LPP: variants seen among roughly 807,000 people sequenced by gnomAD.
The protein encoded by LPP is LIM domain containing preferred translocation partner in lipoma, also known as lipoma-preferred partner.
LPP carries 38 observed loss-of-function variants against 60.4 expected under a neutral mutation model. The observed-to-expected ratio is 0.63, with a 90% CI of 0.49 to 0.83. The LOEUF (loss-of-function observed/expected upper bound fraction) is 0.83, where lower values mean the gene tolerates loss of function less well. Among genes scored for constraint, LPP ranks in the 40% least tolerant of loss-of-function variants. The probability of loss-of-function intolerance (pLI) is 0.00; values close to 1 mark genes in which losing one functional copy is unlikely to be tolerated. For synonymous variants in LPP, 328 were observed against 290.8 expected (o/e 1.13, Z -1.30); for missense variants, 902 against 783.6 (o/e 1.15, Z -1.80).
intron 7 of LPP, among the ~76,000 whole-genome samples, chr3:188,613,931 A>ATTTATTTC (rs1214007687): frequency 6.6e-6 from 1 of 150,384 alleles, no homozygotes; most frequent in Non-Finnish European, 1.5e-5. Flanking sequence ...TTATTTATTT[A>ATTTATTTC]TTTATTTATT....
In LPP at chr3:188,884,652, A is replaced by G. The variant is rs796957449; in HGVS notation, c.*10173A>G. On this transcript the variant is annotated 3_prime_UTR_variant, in exon 12 of 12. Transcript: ENST00000617246. ...AACTGTCAGGTTCAGAATATCAACC[A>G]AGACCATATCATTTAGAATTCATTG... The G allele has an allele frequency of 4.3e-6, 1 of 229,942 alleles. No homozygotes were observed. The highest frequency in any genetic ancestry group is 2.2e-5 in the African/African-American group (1 of 45,268). 14.2% of individuals were successfully genotyped at this position (229,942 alleles called of 1,614,324 possible).
chr3:188,290,810 G>A (rs1745686185), intron 2 of LPP, among the ~76,000 whole-genome samples: 1 of 152,188 alleles, frequency 6.6e-6, no homozygotes, highest in Non-Finnish European at 1.5e-5. Context: ...TGGCTACTGA[G>A]GGTCAATTCA....
intron 4 of LPP, among the ~76,000 whole-genome samples, chr3:188,433,840 T>C (rs947961554): frequency 6.6e-6 from 1 of 152,110 alleles, no homozygotes; most frequent in African/African-American, 2.4e-5. Context: ...TTGTTTTCCT[T>C]TCTCTTGGTG....
intron 3 of LPP, among the ~76,000 whole-genome samples, chr3:188,362,162 G>A (rs1275563199): frequency 1.3e-5 from 2 of 152,180 alleles, no homozygotes; most frequent in African/African-American, 2.4e-5. Flanking sequence ...CCCTTTTGAA[G>A]ACTAAAAGGA....
intron 4 of LPP, among the ~76,000 whole-genome samples, chr3:188,441,479 T>G (rs1028273161): frequency 6.6e-6 from 1 of 152,012 alleles, no homozygotes; most frequent in Admixed American, 6.6e-5. Flanking sequence ...CGTAGTTTCT[T>G]CACAGTTGCC....
chr3:188,697,199 A>T (rs1863440769), intron 7 of LPP, among the ~76,000 whole-genome samples: 1 of 152,236 alleles, frequency 6.6e-6, no homozygotes, highest in African/African-American at 2.4e-5. Context: ...AACAAAACAC[A>T]TGCCCTTTCT....
rs137998806 is a variant in LPP, at chr3:188,789,208, T to C, written c.1410+28926T>C. On this transcript the variant is annotated intron_variant, in intron 9 of 11. Transcript: ENST00000617246. The stretch of plus-strand genomic sequence containing the variant: ...TACCATATAGTGTAAACATAACCTT[T>C]ACTGCACTGGGAAACCAAAAAAATA... Among the ~76,000 whole-genome samples, 251 of 152,364 alleles carry C rather than the reference T, an allele frequency of 1.6e-3. 2 individuals are homozygous for C. The highest frequency in any genetic ancestry group is 5.9e-3 in the African/African-American group (247 of 41,586).
At chr3:188,872,366 A>G (rs1768329426) in intron 10 of LPP, among the ~76,000 whole-genome samples, 2 of 152,166 alleles carry the variant, frequency 1.3e-5, no homozygotes, top group Admixed American at 1.3e-4. Context: ...GAATCTATCT[A>G]AAGATGAATT....
chr3:188,868,387 A>G (rs889274787), intron 10 of LPP, among the ~76,000 whole-genome samples: 15 of 152,304 alleles, frequency 9.8e-5, no homozygotes, highest in African/African-American at 3.4e-4. Context: ...CTGGTGACTG[A>G]TGACATCAGT....
chr3:188,487,058 T>G (rs1468032710), intron 5 of LPP, among the ~76,000 whole-genome samples: 1 of 152,226 alleles, frequency 6.6e-6, no homozygotes, highest in Non-Finnish European at 1.5e-5. Context: ...TTTGTTGCAT[T>G]TTAAATCTTT....
chr3:188,348,345 A>G lies in LPP; in HGVS notation c.-10+6626A>G, dbSNP rs993311469. ...GTATTTTTAGTAGAGACAAGGTTTC[A>G]CCATGTTGGCCAGGCTGGTCTCAAA... On this transcript the variant is annotated intron_variant, in intron 3 of 11. Transcript: ENST00000617246. 1.9e-4 allele frequency among the ~76,000 whole-genome samples: 29 copies of G among 151,930 alleles called. 1 individual carries two copies. The highest frequency in any genetic ancestry group is 6.8e-4 in the African/African-American group (28 of 41,418).
intron 2 of LPP, among the ~76,000 whole-genome samples, chr3:188,309,022 C>CTTTTTTTT (rs777945680): frequency 8.4e-5 from 10 of 119,718 alleles, no homozygotes; most frequent in Admixed American, 2.0e-4. Flanking sequence ...TCTTCTTCTT[C>CTTTTTTTT]TTTTTTTTTT....
At chr3:188,840,623 C>T (rs1009110308) in intron 9 of LPP, among the ~76,000 whole-genome samples, 2 of 152,148 alleles carry the variant, frequency 1.3e-5, no homozygotes, top group African/African-American at 4.8e-5. Context: ...CTCAGCCTCT[C>T]AAGTAACTAG....
At chr3:188,808,467 C>T (rs1226787384) in intron 9 of LPP, among the ~76,000 whole-genome samples, 1 of 152,056 alleles carries the variant, frequency 6.6e-6, no homozygotes, top group African/African-American at 2.4e-5. Context: ...TTCTTTTCCC[C>T]TACCTATGAT....
At chr3:188,353,414 TTTG>T (rs1766538344) in intron 3 of LPP, among the ~76,000 whole-genome samples, 1 of 152,220 alleles carries the variant, frequency 6.6e-6, no homozygotes, top group South Asian at 2.1e-4. Context: ...CGAATTAGAT[TTTG>T]TTAAGAATTC....
intron 3 of LPP, among the ~76,000 whole-genome samples, chr3:188,391,903 C>T (rs540471408): frequency 3.7e-4 from 56 of 152,192 alleles, no homozygotes; most frequent in Middle Eastern, 3.4e-3. Context: ...TAACAGAAAA[C>T]AGGGCAAACA....
At chr3:188,547,592 C>G (rs754081503) in intron 6 of LPP, among the ~76,000 whole-genome samples, 8 of 152,028 alleles carry the variant, frequency 5.3e-5, no homozygotes, top group Non-Finnish European at 1.2e-4. Flanking sequence ...TACACTGTCT[C>G]TTTTTTTTAC....
chr3:188,313,536 G>A (rs1754124431), intron 2 of LPP, among the ~76,000 whole-genome samples: 1 of 151,896 alleles, frequency 6.6e-6, no homozygotes, highest in South Asian at 2.1e-4. Context: ...TACTCGGGAG[G>A]CTGAGGCAGG....
chr3:188,606,567 G>T (rs1293337850), intron 6 of LPP, among the ~76,000 whole-genome samples: 2 of 151,908 alleles, frequency 1.3e-5, no homozygotes, highest in Non-Finnish European at 2.9e-5. Flanking sequence ...TTGTCTTGTT[G>T]GTGGAGGGGC....
Sources: allele counts gnomAD v4.1 joint callset (sites outside exome capture counted in the v4.1 genomes callset), GRCh38; gene constraint gnomAD v4.1.1; transcripts MANE v1.5; gene names NCBI Gene and HGNC (gene_info 2026-07-23, HGNC 2026-07-21).